Variants in EPCIP observed in about 807,000 individuals in gnomAD.
EPCIP encodes the protein exosomal polycystin 1 interacting protein.
the EPCIP span, among the ~76,000 whole-genome samples, chr21:32,801,379 A>G: frequency 1.3e-5 from 2 of 152,226 alleles, no homozygotes; most frequent in Non-Finnish European, 2.9e-5. Flanking sequence ...TTTAGAGGAC[A>G]TTTATTGGAT....
At chr21:32,809,317 T>TTTCC in the EPCIP span, among the ~76,000 whole-genome samples, 11 of 145,580 alleles carry the variant, frequency 7.6e-5, no homozygotes, top group African/African-American at 2.6e-4. Context: ...TCTTTCTTTC[T>TTTCC]TTCTTTCTTT....
At chr21:32,800,353 C>T in the EPCIP span, among the ~76,000 whole-genome samples, 109,013 of 152,108 alleles carry the variant, frequency 0.72, 39,901 homozygotes, top group East Asian at 0.91. Context: ...AATTTAGAAC[C>T]CTCTGTCTTT....
At chr21:32,797,196 C>T in the EPCIP span, 1 of 299,070 alleles carries the variant, frequency 3.3e-6, no homozygotes, top group East Asian at 1.0e-4. Flanking sequence ...CCCCTGGTAA[C>T]CCATTTATGG....
the EPCIP span, among the ~76,000 whole-genome samples, chr21:32,799,847 C>A: frequency 6.6e-6 from 1 of 152,162 alleles, no homozygotes. Flanking sequence ...GAGGCTGAGG[C>A]ACGAGAATTC....
the EPCIP span, among the ~76,000 whole-genome samples, chr21:32,808,299 A>G: frequency 6.9e-5 from 10 of 145,142 alleles, no homozygotes; most frequent in Non-Finnish European, 1.0e-4. Context: ...AGATGAGAGA[A>G]AAAAAAAAAA....
At chr21:32,792,146 C>T in the EPCIP span, among the ~76,000 whole-genome samples, 30 of 152,234 alleles carry the variant, frequency 2.0e-4, no homozygotes, top group South Asian at 8.3e-4. Context: ...TCAGGTGATC[C>T]GCCTGCCTCG....
the EPCIP span, among the ~76,000 whole-genome samples, chr21:32,799,872 G>A: frequency 2.6e-5 from 4 of 152,296 alleles, 1 homozygote; most frequent in Admixed American, 2.0e-4. Context: ...AACCCGGGAG[G>A]CAGAGGTTGC....
At chr21:32,794,434 T>C in the EPCIP span, 1 of 1,602,270 alleles carries the variant, frequency 6.2e-7, no homozygotes, top group East Asian at 2.2e-5. Context: ...TTGCCCAGCA[T>C]GGGCCAGCGT....
the EPCIP span, among the ~76,000 whole-genome samples, chr21:32,805,125 G>A: frequency 1.4e-4 from 21 of 152,260 alleles, no homozygotes; most frequent in African/African-American, 4.8e-4. Flanking sequence ...ATAAGAAGAA[G>A]GCAATATGAC....
the EPCIP span, among the ~76,000 whole-genome samples, chr21:32,809,338 TTCTTTCC>T: frequency 1.1e-3 from 156 of 145,728 alleles, no homozygotes; most frequent in African/African-American, 3.8e-3. Context: ...CTTTCTTTCT[TTCTTTCC>T]TCTTTCTTTC....
At chr21:32,810,946 T>C in the EPCIP span, among the ~76,000 whole-genome samples, 1 of 152,202 alleles carries the variant, frequency 6.6e-6, no homozygotes, top group African/African-American at 2.4e-5. Flanking sequence ...CATACTATAA[T>C]ATATAAAATG....
At chr21:32,808,387 C>T in the EPCIP span, among the ~76,000 whole-genome samples, 2 of 152,138 alleles carry the variant, frequency 1.3e-5, no homozygotes, top group Non-Finnish European at 2.9e-5. Flanking sequence ...ACTTAACAGT[C>T]GTGCCCTTCT....
chr21:32,806,953 G>A, the EPCIP span, among the ~76,000 whole-genome samples: 1 of 152,292 alleles, frequency 6.6e-6, no homozygotes, highest in South Asian at 2.1e-4. Context: ...GTCTCACATG[G>A]TGGCAGACAA....
chr21:32,800,951 A>T, the EPCIP span, among the ~76,000 whole-genome samples: 2 of 152,196 alleles, frequency 1.3e-5, no homozygotes, highest in Non-Finnish European at 2.9e-5. Context: ...GGTATATCAG[A>T]GACTTCTAGT....
chr21:32,804,115 G>C, the EPCIP span, among the ~76,000 whole-genome samples: 56 of 152,212 alleles, frequency 3.7e-4, no homozygotes, highest in Non-Finnish European at 2.5e-4. Flanking sequence ...TTTGGGTTTT[G>C]AGAGGACACA....
chr21:32,810,153 A>T, the EPCIP span, among the ~76,000 whole-genome samples: 1 of 151,474 alleles, frequency 6.6e-6, no homozygotes, highest in African/African-American at 2.4e-5. Flanking sequence ...TTTTTGAGTG[A>T]ATAGTTTTCT....
At chr21:32,800,344 A>G in the EPCIP span, among the ~76,000 whole-genome samples, 1 of 152,230 alleles carries the variant, frequency 6.6e-6, no homozygotes, top group Non-Finnish European at 1.5e-5. Flanking sequence ...TATCTCCTCA[A>G]TTTAGAACCC....
At chr21:32,809,182 C>CGCGTGT in the EPCIP span, among the ~76,000 whole-genome samples, 67 of 121,142 alleles carry the variant, frequency 5.5e-4, no homozygotes, top group Non-Finnish European at 9.6e-4. Context: ...TCGAGGGGTG[C>CGCGTGT]GTGTGTGTGT....
chr21:32,812,241 A>G, the EPCIP span, among the ~76,000 whole-genome samples: 1 of 152,276 alleles, frequency 6.6e-6, no homozygotes, highest in Middle Eastern at 3.4e-3. Flanking sequence ...TTTCCCCTTG[A>G]GTGACTTGGT....
Sources: gnomAD v4.1 joint callset for allele counts (sites outside exome capture counted in the v4.1 genomes callset) on GRCh38, gnomAD v4.1.1 for gene constraint, MANE v1.5 for transcripts, NCBI Gene and HGNC (gene_info 2026-07-23, HGNC 2026-07-21) for gene names.